Variants in ACTN1 observed in about 807,000 individuals in gnomAD.
ACTN1 encodes the protein alpha-actinin-1.
ACTN1 carries 30 observed loss-of-function variants against 119.6 expected under a neutral mutation model. The ratio of observed to expected loss-of-function variants is 0.25; its 90% CI spans 0.19 to 0.34. The LOEUF (loss-of-function observed/expected upper bound fraction) is 0.34, where lower values mean the gene tolerates loss of function less well. Ranked by LOEUF, ACTN1 falls within the 10% of genes least tolerant of loss-of-function variation. ACTN1 has a pLI of 1.00. For synonymous variants in ACTN1, 429 were observed against 472.6 expected (o/e 0.91, Z 1.20); for missense variants, 764 against 1,223.4 (o/e 0.62, Z 5.60).
chr14:68,936,802 C>T (rs2035543754), intron 1 of ACTN1: 4 of 606,964 alleles, frequency 6.6e-6, no homozygotes, highest in Admixed American at 5.6e-5. Flanking sequence ...ACTTGTGGTG[C>T]CAACGCCAAG....
At chr14:68,978,194 T>G (rs1321738827) in intron 1 of ACTN1, 2 of 455,976 alleles carry the variant, frequency 4.4e-6, no homozygotes, top group Admixed American at 2.4e-5. Flanking sequence ...CTGCAGCCCC[T>G]CAACTCGAAC....
At chr14:68,917,993 T>C (rs1253196688) in intron 3 of ACTN1, among the ~76,000 whole-genome samples, 1 of 152,132 alleles carries the variant, frequency 6.6e-6, no homozygotes, top group African/African-American at 2.4e-5. Flanking sequence ...CACTTGAGCC[T>C]GGGAGGTGGA....
intron 1 of ACTN1, among the ~76,000 whole-genome samples, chr14:68,964,401 G>A (rs1227825673): frequency 6.6e-6 from 1 of 152,234 alleles, no homozygotes; most frequent in African/African-American, 2.4e-5. Flanking sequence ...CTTCCCTGGT[G>A]CACAGGAATG....
chr14:68,897,903 C>T lies in ACTN1; in HGVS notation c.763-4156G>A, dbSNP rs574502489. Among the ~76,000 whole-genome samples the T allele has an allele frequency of 1.0e-4, 16 of 152,394 alleles. No homozygotes were observed. The East Asian group carries it at 1.3e-3, about 13-fold the overall frequency. On this transcript the variant is annotated intron_variant, in intron 8 of 21. Coordinates refer to ENST00000394419, the MANE Select transcript of ACTN1 (RefSeq NM_001130004.2). The stretch of plus-strand genomic sequence containing the variant: ...CAGCTTCCTCTCCTACTGCAGGCTC[C>T]GCCTGCATACCCCGAAGCTTCTTGC...
chr14:68,940,034 AAGCAGAGTGGCACCCGCTC>A (rs1177326063), intron 1 of ACTN1, among the ~76,000 whole-genome samples: 1 of 152,188 alleles, frequency 6.6e-6, no homozygotes, highest in Non-Finnish European at 1.5e-5. Flanking sequence ...CTGGTCTTCG[AAGCAGAGTGGCACCCGCTC>A]CGGGAGGCCA....
intron 3 of ACTN1, among the ~76,000 whole-genome samples, chr14:68,915,506 A>C (rs1228368381): frequency 6.6e-6 from 1 of 152,190 alleles, no homozygotes; most frequent in Non-Finnish European, 1.5e-5. Flanking sequence ...GGGTAAGAAT[A>C]CTTCCTGTTT....
chr14:68,927,887 G>A (rs887851465), intron 1 of ACTN1, among the ~76,000 whole-genome samples: 5 of 152,168 alleles, frequency 3.3e-5, no homozygotes, highest in South Asian at 2.1e-4. Context: ...CAAGCTGTGC[G>A]TTCACACTTG....
At chr14:68,977,808 C>A (rs1038792069) in intron 1 of ACTN1, 13 of 367,440 alleles carry the variant, frequency 3.5e-5, no homozygotes, top group South Asian at 2.0e-4. Context: ...TGTCCCCCCC[C>A]CACCCAAAAC....
intron 9 of ACTN1, among the ~76,000 whole-genome samples, chr14:68,893,077 T>C (rs2032620777): frequency 6.6e-6 from 1 of 152,092 alleles, no homozygotes; most frequent in East Asian, 1.9e-4. Flanking sequence ...GTTCTTACTA[T>C]GCTGGGCAGC....
rs577523093 is a variant in ACTN1, at chr14:68,978,162, T to A, written c.105+790A>T. 36 of 455,740 alleles carry A rather than the reference T, an allele frequency of 7.9e-5. 1 individual carries two copies. Among genetic ancestry groups the A allele is most frequent in the South Asian group, 5.3e-4 (34 of 64,526 alleles). 28.2% of individuals were successfully genotyped at this position (455,740 alleles called of 1,614,324 possible). ...GATCCCCAGTGACTGGCCCCAAATATCCCCTAAGACTGACCCTCGTTCTGC... is the reference window on the plus strand; with the variant it reads ...GATCCCCAGTGACTGGCCCCAAATAACCCCTAAGACTGACCCTCGTTCTGC... On this transcript the variant is annotated intron_variant, in intron 1 of 21. Coordinates refer to ENST00000394419, the MANE Select transcript of ACTN1 (RefSeq NM_001130004.2).
Position 68,933,134 on chromosome 14 carries a change from T to TTATTATTA in ACTN1, c.106-7463_106-7462insTAATAATA, listed in dbSNP as rs1566652423. Reference sequence around the variant, plus strand: ...TTAGTCCTTACCTCCTTGTATTTTTTTTATTATTATTATTATTTGCGATGT... The same window carrying TTATTATTA: ...TTAGTCCTTACCTCCTTGTATTTTTTTATTATTATTATTATTATTATTATTTGCGATGT... On this transcript the variant is annotated intron_variant, in intron 1 of 21. Transcript: ENST00000394419. Among the ~76,000 whole-genome samples the TTATTATTA allele has an allele frequency of 2.2e-3, 340 of 152,000 alleles. 2 individuals are homozygous for TTATTATTA. The highest frequency in any genetic ancestry group is 7.8e-3 in the African/African-American group (323 of 41,426).
intron 2 of ACTN1, 45 bp from the exon 3 acceptor site, chr14:68,921,170 G>A (rs1191457773): frequency 6.2e-7 from 1 of 1,607,588 alleles, no homozygotes; most frequent in African/African-American, 1.3e-5. Flanking sequence ...GACGCTATGA[G>A]CCAGGGGCCA....
At chr14:68,941,428 A>G (rs775097551) in intron 1 of ACTN1, among the ~76,000 whole-genome samples, 21 of 152,344 alleles carry the variant, frequency 1.4e-4, no homozygotes, top group Non-Finnish European at 2.6e-4. Flanking sequence ...TCCAGAGACC[A>G]CACTCTGAGG....
chr14:68,885,012 C>G lies in ACTN1; in HGVS notation c.1386-129G>C. The G allele has an allele frequency of 1.4e-6, 1 of 715,664 alleles. No homozygotes were observed. Among genetic ancestry groups the G allele is most frequent in the Non-Finnish European group, 2.4e-6 (1 of 419,818 alleles). The allele number at this position is 715,664 out of a possible 1,614,324, so 44.3% of individuals were successfully genotyped here. The stretch of plus-strand genomic sequence containing the variant: ...AGCCAGGGGCGCTCCCTTCAAGAGA[C>G]CTTCCAGGCACTCCTTCCACCCCTC... On this transcript the variant is annotated intron_variant, in intron 12 of 21. Transcript: ENST00000394419. The surrounding 1 kb of genome is among the most constrained non-coding windows in gnomAD (Gnocchi z 5.6).
chr14:68,897,388 C>T (rs1263880935), intron 8 of ACTN1, among the ~76,000 whole-genome samples: 1 of 152,104 alleles, frequency 6.6e-6, no homozygotes, highest in Non-Finnish European at 1.5e-5. Flanking sequence ...AAGATATGAA[C>T]TATTATTATC....
At chr14:68,902,413 G>C (rs2033398687) in intron 8 of ACTN1, 64 bp downstream of exon 8, 1 of 1,383,150 alleles carries the variant, frequency 7.2e-7, no homozygotes, top group Admixed American at 1.7e-5. Flanking sequence ...GCGGGCAGGA[G>C]GACATGGTTT....
At chr14:68,972,742 G>T (rs1021859274) in intron 1 of ACTN1, among the ~76,000 whole-genome samples, 5 of 152,260 alleles carry the variant, frequency 3.3e-5, no homozygotes, top group Admixed American at 6.5e-5. Context: ...CCTGGCTTCA[G>T]ATCCCAGCTC....
chr14:68,905,623 A>G (rs2033618783), intron 6 of ACTN1, among the ~76,000 whole-genome samples: 1 of 152,232 alleles, frequency 6.6e-6, no homozygotes, highest in African/African-American at 2.4e-5. Flanking sequence ...CAGCCTCAAC[A>G]AGAGGGAATT....
intron 1 of ACTN1, among the ~76,000 whole-genome samples, chr14:68,956,401 C>T (rs1209980855): frequency 6.6e-6 from 1 of 152,146 alleles, no homozygotes; most frequent in African/African-American, 2.4e-5. Flanking sequence ...AATAATATTC[C>T]TCCAGATAAT....
Sources: allele counts gnomAD v4.1 joint callset (sites outside exome capture counted in the v4.1 genomes callset), GRCh38; gene constraint gnomAD v4.1.1; non-coding constraint Gnocchi (gnomAD v3.1); transcripts MANE v1.5; gene names NCBI Gene and HGNC (gene_info 2026-07-23, HGNC 2026-07-21).